Variants in CDH18 observed in about 807,000 individuals in gnomAD.
The protein encoded by CDH18 is cadherin-18.
A neutral mutation model predicts 67.9 loss-of-function variants in CDH18; 31 were observed. The ratio of observed to expected loss-of-function variants is 0.46; its 90% CI spans 0.34 to 0.62. CDH18 has a LOEUF of 0.62. Among genes scored for constraint, CDH18 ranks in the 20% least tolerant of loss-of-function variants. The pLI, the probability that CDH18 is intolerant of heterozygous loss-of-function variation, is 0.01. For synonymous variants in CDH18, 362 were observed against 347.2 expected (o/e 1.04, Z -0.48); for missense variants, 890 against 975.5 (o/e 0.91, Z 1.17).
At chr5:19,827,727 T>C (rs1046428594) in intron 3 of CDH18, among the ~76,000 whole-genome samples, 1 of 152,142 alleles carries the variant, frequency 6.6e-6, no homozygotes, top group South Asian at 2.1e-4. Flanking sequence ...ATATCTGGGA[T>C]ACATCTAAAG....
At chr5:19,601,150 T>A (rs191085121) in intron 6 of CDH18, among the ~76,000 whole-genome samples, 146 of 152,264 alleles carry the variant, frequency 9.6e-4, no homozygotes, top group African/African-American at 3.5e-3. Context: ...GGCAAGGAGA[T>A]CTTGGTCTGC....
At chr5:19,987,987 C>T (rs1799737372) in intron 1 of CDH18, 99 bp downstream of exon 1, 1 of 152,162 alleles carries the variant, frequency 6.6e-6, no homozygotes, top group African/African-American at 2.4e-5. Context: ...GAAGATTTCA[C>T]CCAATATTGC....
intron 6 of CDH18, among the ~76,000 whole-genome samples, chr5:19,593,348 T>C (rs1362122726): frequency 6.6e-6 from 1 of 152,154 alleles, no homozygotes; most frequent in East Asian, 1.9e-4. Flanking sequence ...GCTTTTTTCA[T>C]AAATAGCCAT....
In CDH18 at chr5:19,473,061, T is replaced by C; in HGVS notation, c.*165A>G. ...TTTTTTTTTTTTACTTTCTTCCAAT[T>C]AAATAACCCAGTTTCGATCATGAAA... is the stretch of plus-strand genomic sequence containing the variant. On this transcript the variant is annotated 3_prime_UTR_variant, in exon 13 of 13. Coordinates refer to ENST00000382275, the MANE Select transcript of CDH18 (RefSeq NM_004934.5). 1.6e-6 allele frequency: 1 copy of C among 611,282 alleles called. No homozygotes were observed. The highest frequency in any genetic ancestry group is 2.7e-6 in the Non-Finnish European group (1 of 374,660). The allele number at this position is 611,282 out of a possible 1,614,324, so 37.9% of individuals were successfully genotyped here.
At chr5:19,894,985 T>G (rs1367970535) in intron 2 of CDH18, among the ~76,000 whole-genome samples, 1 of 152,172 alleles carries the variant, frequency 6.6e-6, no homozygotes, top group East Asian at 1.9e-4. Context: ...TTGTTCTCAT[T>G]GCAAATGTTT....
chr5:20,175,063 G>C (rs1171560147), intron 2 of CDH18, among the ~76,000 whole-genome samples: 1 of 152,048 alleles, frequency 6.6e-6, no homozygotes, highest in Admixed American at 6.6e-5. Context: ...TATAAGAATG[G>C]GTTATTTGCC....
chr5:20,171,449 T>C (rs1476544784), intron 2 of CDH18, among the ~76,000 whole-genome samples: 2 of 152,132 alleles, frequency 1.3e-5, no homozygotes, highest in African/African-American at 4.8e-5. Flanking sequence ...TTGATTTGCA[T>C]TTCTCTAATG....
intron 1 of CDH18, among the ~76,000 whole-genome samples, chr5:20,406,226 A>G (rs1746238772): frequency 6.6e-6 from 1 of 152,202 alleles, no homozygotes; most frequent in Admixed American, 6.5e-5. Flanking sequence ...AATGTGGCAC[A>G]TATACACCAC....
At chr5:19,724,731 T>C (rs532618901) in intron 4 of CDH18, among the ~76,000 whole-genome samples, 1 of 152,174 alleles carries the variant, frequency 6.6e-6, no homozygotes, top group East Asian at 1.9e-4. Context: ...GAGACAAAGA[T>C]GCGTTCTTGC....
chr5:20,119,078 G>A (rs1459395290), intron 2 of CDH18, among the ~76,000 whole-genome samples: 1 of 152,010 alleles, frequency 6.6e-6, no homozygotes, highest in Non-Finnish European at 1.5e-5. Flanking sequence ...ATCTTCCTGT[G>A]TTCTGAAGCA....
intron 2 of CDH18, among the ~76,000 whole-genome samples, chr5:19,856,902 A>G (rs149678720): frequency 9.9e-5 from 15 of 151,876 alleles, no homozygotes; most frequent in Non-Finnish European, 1.9e-4. Context: ...TTTTCTTTCT[A>G]AAAGTAATAA....
At chr5:20,443,231 A>T (rs1194232263) in intron 1 of CDH18, among the ~76,000 whole-genome samples, 19 of 141,280 alleles carry the variant, frequency 1.3e-4, no homozygotes, top group Non-Finnish European at 4.7e-5. Context: ...AAAAAAAAAA[A>T]GTATATCTTT....
chr5:19,474,854 G>A (rs1473606418), intron 12 of CDH18, among the ~76,000 whole-genome samples: 3 of 151,962 alleles, frequency 2.0e-5, no homozygotes, highest in African/African-American at 4.8e-5. Flanking sequence ...ATGTGTCTTG[G>A]GAACTTTGCT....
At chr5:19,834,416 CTTCTT>C (rs936035154) in intron 3 of CDH18, among the ~76,000 whole-genome samples, 3 of 151,342 alleles carry the variant, frequency 2.0e-5, no homozygotes, top group African/African-American at 7.3e-5. Flanking sequence ...TCTTCTCTCT[CTTCTT>C]TATTAGTCTA....
intron 2 of CDH18, among the ~76,000 whole-genome samples, chr5:20,035,292 T>A (rs949190348): frequency 6.6e-6 from 1 of 152,026 alleles, no homozygotes; most frequent in Non-Finnish European, 1.5e-5. Context: ...ATATGCTGGA[T>A]TTACAATTAT....
intron 5 of CDH18, among the ~76,000 whole-genome samples, chr5:19,711,131 C>A (rs1295630792): frequency 1.3e-5 from 2 of 151,916 alleles, no homozygotes; most frequent in Non-Finnish European, 2.9e-5. Flanking sequence ...ATATCTGAAT[C>A]TATAAAAATA....
chr5:19,914,859 T>C (rs1791579137), intron 2 of CDH18, among the ~76,000 whole-genome samples: 1 of 152,020 alleles, frequency 6.6e-6, no homozygotes, highest in Admixed American at 6.6e-5. Flanking sequence ...AAAAAAAATT[T>C]CTCCCCCAAA....
At chr5:20,258,158 T>C (rs1744386889) in intron 1 of CDH18, among the ~76,000 whole-genome samples, 1 of 152,104 alleles carries the variant, frequency 6.6e-6, no homozygotes, top group Non-Finnish European at 1.5e-5. Context: ...AATATTAGAA[T>C]CTTTTGTTGT....
At chr5:20,341,916 CCAAGGAA>C (rs1419872646) in intron 1 of CDH18, among the ~76,000 whole-genome samples, 2 of 152,082 alleles carry the variant, frequency 1.3e-5, no homozygotes, top group African/African-American at 4.8e-5. Context: ...ATTTGGAGGA[CCAAGGAA>C]CATAATGAAG....
Sources: allele counts gnomAD v4.1 joint callset (sites outside exome capture counted in the v4.1 genomes callset), GRCh38; gene constraint gnomAD v4.1.1; transcripts MANE v1.5; gene names NCBI Gene and HGNC (gene_info 2026-07-23, HGNC 2026-07-21).